Variants in HAVCR1 observed in about 807,000 individuals in gnomAD.
The protein encoded by HAVCR1 is hepatitis A virus cellular receptor 1.
In HAVCR1, 34 loss-of-function variants were observed where a neutral mutation model predicts 32.0. The ratio of observed to expected loss-of-function variants is 1.06; its 90% CI spans 0.81 to 1.42. HAVCR1 has a LOEUF of 1.42. HAVCR1 is among the 40% of genes most tolerant of loss of function. HAVCR1 has a pLI of 0.00. For missense variants in HAVCR1, 420 were observed against 442.3 expected (o/e 0.95, Z 0.45); for synonymous variants, 178 against 170.3 (o/e 1.05, Z -0.35).
At chr5:157,053,588 G>A (rs928792863) in intron 3 of HAVCR1, among the ~76,000 whole-genome samples, 7 of 152,118 alleles carry the variant, frequency 4.6e-5, no homozygotes, top group Admixed American at 1.3e-4. Context: ...AAACAGCAAC[G>A]GCCGGGCGCG....
chr5:157,061,332 T>C (rs901605857), upstream of HAVCR1, among the ~76,000 whole-genome samples: 1 of 152,014 alleles, frequency 6.6e-6, no homozygotes, highest in African/African-American at 2.4e-5. Flanking sequence ...ATAAATTAAT[T>C]AAAAACAAAA....
intron 1 of HAVCR1, chr5:157,058,531 C>G (rs972244005): frequency 1.3e-5 from 2 of 152,460 alleles, no homozygotes; most frequent in Admixed American, 6.5e-5. Flanking sequence ...CGCCACTGCA[C>G]TCCAGCCTGG....
intron 6 of HAVCR1, among the ~76,000 whole-genome samples, chr5:157,041,959 C>G (rs953026746): frequency 6.6e-6 from 1 of 150,514 alleles, no homozygotes; most frequent in Non-Finnish European, 1.5e-5. Context: ...CTCTGGAGGC[C>G]GAGGCAGGAG....
chr5:157,032,793 T>A (rs2113477199), intron 8 of HAVCR1, 61 bp downstream of exon 8: 1 of 988,818 alleles, frequency 1.0e-6, no homozygotes, highest in South Asian at 1.3e-5. Flanking sequence ...GACAGAAATC[T>A]ATTTTTATTT....
intron 1 of HAVCR1, 189 bp from the exon 2 acceptor site, chr5:157,058,144 C>G: frequency 1.8e-6 from 1 of 556,370 alleles, no homozygotes; most frequent in South Asian, 2.2e-5. Flanking sequence ...CAGCTGAGAG[C>G]TCTGTGCCTT....
chr5:157,037,222 T>C (rs1581683180), intron 7 of HAVCR1, 25 bp downstream of exon 7: 2 of 1,194,954 alleles, frequency 1.7e-6, no homozygotes, highest in East Asian at 2.3e-5. Context: ...CCTTGTCCCT[T>C]AGGAACAATC....
intron 5 of HAVCR1, among the ~76,000 whole-genome samples, chr5:157,046,251 G>A (rs956060720): frequency 1.3e-5 from 2 of 152,176 alleles, no homozygotes; most frequent in African/African-American, 4.8e-5. Flanking sequence ...ACACAAGGAG[G>A]CCTGCAAGGT....
intron 7 of HAVCR1, among the ~76,000 whole-genome samples, chr5:157,033,910 G>A (rs1320051325): frequency 6.6e-6 from 1 of 152,064 alleles, no homozygotes. Flanking sequence ...AAAATCATTC[G>A]GGTGTGGTGG....
chr5:157,045,849 T>G (rs1406864416), intron 5 of HAVCR1, among the ~76,000 whole-genome samples: 4 of 152,196 alleles, frequency 2.6e-5, no homozygotes, highest in Non-Finnish European at 5.9e-5. Flanking sequence ...ATCCTGGGGA[T>G]ACAGCTGCTC....
chr5:157,062,569 T>C (rs1756511460), upstream of HAVCR1, among the ~76,000 whole-genome samples: 1 of 151,986 alleles, frequency 6.6e-6, no homozygotes, highest in African/African-American at 2.4e-5. Flanking sequence ...ACTCACCAAC[T>C]CCACATCATT....
At chr5:157,056,494 C>T (rs1428951591) in intron 2 of HAVCR1, among the ~76,000 whole-genome samples, 2 of 151,110 alleles carry the variant, frequency 1.3e-5, no homozygotes, top group African/African-American at 2.4e-5. Flanking sequence ...ATTCTCCCGC[C>T]TCAGCCTCCC....
chr5:157,056,964 G>A, intron 2 of HAVCR1, among the ~76,000 whole-genome samples: 1 of 152,050 alleles, frequency 6.6e-6, no homozygotes, highest in East Asian at 1.9e-4. Context: ...CCAGCACTTT[G>A]GGAGACTGAG....
In HAVCR1 at chr5:157,029,685, A is replaced by C; in HGVS notation, c.*48T>G. Reference sequence around the variant, plus strand: ...ACGTCTGATGTGCTGATGTCTGTTCAGTCTTCTGCACTCATGGGCGTAAAC... The same window carrying C: ...ACGTCTGATGTGCTGATGTCTGTTCCGTCTTCTGCACTCATGGGCGTAAAC... On this transcript the variant is annotated 3_prime_UTR_variant, in exon 9 of 9. Transcript: ENST00000523175. 6.2e-7 allele frequency: 1 copy of C among 1,611,184 alleles called. No homozygotes were observed. The highest frequency in any genetic ancestry group is 8.5e-7 in the Non-Finnish European group (1 of 1,179,538).
chr5:157,060,218 AAATAATAATAAT>A (rs200229739), upstream of HAVCR1, among the ~76,000 whole-genome samples: 3 of 150,752 alleles, frequency 2.0e-5, no homozygotes, highest in African/African-American at 7.3e-5. Context: ...TCTCTCAGAA[AAATAATAATAAT>A]AATAATAATA....
At chr5:157,042,601 A>C (rs1754976902) in intron 6 of HAVCR1, 26 bp downstream of exon 6, 1 of 1,454,554 alleles carries the variant, frequency 6.9e-7, no homozygotes, top group African/African-American at 1.4e-5. Flanking sequence ...GAATCTGGCT[A>C]ATCAAATAGG....
intron 5 of HAVCR1, among the ~76,000 whole-genome samples, chr5:157,048,559 G>C (rs1290692261): frequency 1.3e-5 from 2 of 152,154 alleles, no homozygotes; most frequent in African/African-American, 4.8e-5. Context: ...AGCTGGGCAC[G>C]GTGGCTGATG....
chr5:157,069,273 C>T, the HAVCR1 span, among the ~76,000 whole-genome samples: 1 of 152,158 alleles, frequency 6.6e-6, no homozygotes, highest in African/African-American at 2.4e-5. Context: ...CATTATTGTC[C>T]TTATATCTCA....
At chr5:157,066,877 G>A in the HAVCR1 span, among the ~76,000 whole-genome samples, 2 of 152,056 alleles carry the variant, frequency 1.3e-5, no homozygotes, top group African/African-American at 2.4e-5. Flanking sequence ...ACTGGAGGTC[G>A]GGAGTTCGAG....
chr5:157,044,505 AAGG>A (rs1271569262), intron 5 of HAVCR1, among the ~76,000 whole-genome samples: 5 of 129,034 alleles, frequency 3.9e-5, no homozygotes, highest in African/African-American at 1.6e-4. Flanking sequence ...GGAAGGAAGG[AAGG>A]AGGAAGGAAG....
Sources: allele counts gnomAD v4.1 joint callset (sites outside exome capture counted in the v4.1 genomes callset), GRCh38; gene constraint gnomAD v4.1.1; transcripts MANE v1.5; gene names NCBI Gene and HGNC (gene_info 2026-07-23, HGNC 2026-07-21).